The following CAPZA1 variants were observed in gnomAD, a reference collection of about 807,000 sequenced individuals.
CAPZA1 encodes capping actin protein of muscle Z-line subunit alpha 1.
Under a neutral mutation model 40.8 loss-of-function variants are expected in CAPZA1, and 10 were observed. That is an observed-to-expected ratio of 0.25 (90% CI 0.15 to 0.42). CAPZA1 has a LOEUF of 0.42. Among genes scored for constraint, CAPZA1 ranks in the 10% least tolerant of loss-of-function variants. The pLI is 1.00. For synonymous variants in CAPZA1, 98 were observed against 115.0 expected (o/e 0.85, Z 0.95); for missense variants, 277 against 353.8 (o/e 0.78, Z 1.74).
At chr1:112,623,188 A>G (rs1670719832) in intron 1 of CAPZA1, among the ~76,000 whole-genome samples, 1 of 152,100 alleles carries the variant, frequency 6.6e-6, no homozygotes, top group African/African-American at 2.4e-5. Flanking sequence ...CCTGCCAAAT[A>G]TTTATGCTTT....
intron 7 of CAPZA1, among the ~76,000 whole-genome samples, chr1:112,665,569 C>CT (rs1407690622): frequency 6.6e-6 from 1 of 152,122 alleles, no homozygotes; most frequent in Non-Finnish European, 1.5e-5. Flanking sequence ...CTTCTGGAGA[C>CT]TAAGAAGTCC....
At chr1:112,640,589 G>A (rs547244783) in intron 1 of CAPZA1, among the ~76,000 whole-genome samples, 339 of 150,158 alleles carry the variant, frequency 2.3e-3, no homozygotes, top group African/African-American at 7.6e-3. Context: ...CCCCATCCGG[G>A]AGGGAGGTGG....
At chr1:112,660,138 ACGTGAT>A (rs1374945678) in intron 7 of CAPZA1, among the ~76,000 whole-genome samples, 2 of 151,876 alleles carry the variant, frequency 1.3e-5, no homozygotes, top group Non-Finnish European at 2.9e-5. Context: ...GAGTGCAGTG[ACGTGAT>A]CTCAGCTAAC....
At chr1:112,628,002 G>A (rs1430688123) in intron 1 of CAPZA1, among the ~76,000 whole-genome samples, 2 of 152,170 alleles carry the variant, frequency 1.3e-5, no homozygotes, top group Non-Finnish European at 2.9e-5. Context: ...GCTTAAGTAT[G>A]CCGTGAAGAG....
rs150744833 is a variant in CAPZA1 at position 112,643,494 on chromosome 1, C to G, written c.40-3716C>G. ...TGCCTGTTTCCAGGTAGTCCACATA[C>G]CAACTTTTGTCTTCCAAGTCTTAAA... On this transcript the variant is annotated intron_variant, in intron 1 of 9. Coordinates refer to ENST00000263168, the MANE Select transcript of CAPZA1 (RefSeq NM_006135.3). 7.6e-3 allele frequency among the ~76,000 whole-genome samples: 1,163 copies of G among 152,272 alleles called. 17 individuals are homozygous for G. The highest frequency in any genetic ancestry group is 0.027 in the African/African-American group (1,103 of 41,532).
intron 1 of CAPZA1, among the ~76,000 whole-genome samples, chr1:112,623,186 A>T (rs1404303913): frequency 2.6e-5 from 4 of 152,114 alleles, no homozygotes; most frequent in Non-Finnish European, 5.9e-5. Flanking sequence ...CACCTGCCAA[A>T]TATTTATGCT....
intron 3 of CAPZA1, chr1:112,650,145 A>G (rs1274447195): frequency 6.6e-6 from 1 of 152,348 alleles, no homozygotes; most frequent in Admixed American, 6.5e-5. Flanking sequence ...CTTTGTAAAG[A>G]GTTGGATAAT....
At chr1:112,637,991 T>C (rs866411302) in intron 1 of CAPZA1, among the ~76,000 whole-genome samples, 1 of 152,176 alleles carries the variant, frequency 6.6e-6, no homozygotes, top group Non-Finnish European at 1.5e-5. Context: ...TCTTGGACTT[T>C]GGGGGATGTT....
At chr1:112,664,602 G>A (rs1394431111) in intron 7 of CAPZA1, among the ~76,000 whole-genome samples, 2 of 152,086 alleles carry the variant, frequency 1.3e-5, no homozygotes, top group African/African-American at 2.4e-5. Context: ...TGTAAAATAG[G>A]GTTAGTCGTA....
At chr1:112,662,898 C>A (rs981611661) in intron 7 of CAPZA1, among the ~76,000 whole-genome samples, 1 of 98,346 alleles carries the variant, frequency 1.0e-5, no homozygotes, top group Non-Finnish European at 2.6e-5. Flanking sequence ...TCTTCTATGG[C>A]CAGATCTGTT....
chr1:112,658,211 A>G (rs1370723940), intron 5 of CAPZA1, among the ~76,000 whole-genome samples: 1 of 152,014 alleles, frequency 6.6e-6, no homozygotes, highest in East Asian at 1.9e-4. Flanking sequence ...TGGTGATTGC[A>G]TTTCCATTCA....
chr1:112,651,713 T>C (rs1157923866), intron 3 of CAPZA1, among the ~76,000 whole-genome samples: 1 of 151,916 alleles, frequency 6.6e-6, no homozygotes, highest in East Asian at 1.9e-4. Flanking sequence ...TTTTTTAAAC[T>C]AACATTTATT....
intron 5 of CAPZA1, among the ~76,000 whole-genome samples, chr1:112,656,448 T>TC: frequency 8.0e-6 from 1 of 124,356 alleles, no homozygotes; most frequent in African/African-American, 3.1e-5. Context: ...TGATTTTTTT[T>TC]TTTTTTTTTT....
intron 1 of CAPZA1, among the ~76,000 whole-genome samples, chr1:112,630,688 G>A (rs1670903911): frequency 6.6e-6 from 1 of 152,078 alleles, no homozygotes; most frequent in African/African-American, 2.4e-5. Flanking sequence ...TCCCATGCTG[G>A]TCTGAAACTC....
chr1:112,648,760 C>T (rs890789727), intron 2 of CAPZA1, among the ~76,000 whole-genome samples: 4 of 151,842 alleles, frequency 2.6e-5, no homozygotes, highest in African/African-American at 7.3e-5. Flanking sequence ...GTCAGGAGTT[C>T]GAAACCAGCC....
At chr1:112,638,594 C>T (rs959720291) in intron 1 of CAPZA1, among the ~76,000 whole-genome samples, 3 of 151,712 alleles carry the variant, frequency 2.0e-5, no homozygotes, top group Non-Finnish European at 2.9e-5. Context: ...GGATTACAGG[C>T]GTGAGCCACC....
intron 3 of CAPZA1, among the ~76,000 whole-genome samples, chr1:112,651,766 G>A (rs1302840924): frequency 6.6e-6 from 1 of 151,992 alleles, no homozygotes; most frequent in Non-Finnish European, 1.5e-5. Flanking sequence ...AAGAGCTAAT[G>A]TGTTTGGGAT....
At chr1:112,654,371 T>TA (rs1671457262) in intron 4 of CAPZA1, 94 bp from the exon 5 acceptor site, 2 of 741,784 alleles carry the variant, frequency 2.7e-6, no homozygotes, top group African/African-American at 3.5e-5. Flanking sequence ...AATGAAAAGT[T>TA]AACTGCCTCA....
At position 112,667,114 on chromosome 1, in the gene CAPZA1, A is replaced by G. The variant is rs1189076767; in HGVS notation, c.626A>G (p.His209Arg). 6.2e-7 allele frequency: 1 copy of G among 1,612,222 alleles called. No homozygotes were observed. The highest frequency in any genetic ancestry group is 1.1e-5 in the South Asian group (1 of 90,904). ...GATGGCAATGTTCAGTTGGTTAGTCATAAAGATGTACAGGATTCACTAACT... is the reference window on the plus strand; with the variant it reads ...GATGGCAATGTTCAGTTGGTTAGTCGTAAAGATGTACAGGATTCACTAACT... ...YEDGNVQLVS[H>R]KDVQDSLTVS... The change falls in exon 8 of 10, where the codon CAT (histidine) becomes CGT (arginine). Residue 209 changes from histidine to arginine, a missense_variant. By Grantham distance (29) the His-to-Arg change is conservative (BLOSUM62 0). Coordinates refer to ENST00000263168, the MANE Select transcript of CAPZA1 (RefSeq NM_006135.3).
Sources: gnomAD v4.1 joint callset for allele counts (sites outside exome capture counted in the v4.1 genomes callset) on GRCh38, gnomAD v4.1.1 for gene constraint, MANE v1.5 for transcripts, NCBI Gene and HGNC (gene_info 2026-07-23, HGNC 2026-07-21) for gene names.